LAMA2: variants seen among roughly 807,000 people sequenced by gnomAD.
The protein encoded by LAMA2 is laminin subunit alpha-2.
A neutral mutation model predicts 364.8 loss-of-function variants in LAMA2; 269 were observed. That is an observed-to-expected ratio of 0.74 (90% CI 0.67 to 0.82). The LOEUF is 0.82. LAMA2 is among the 40% of genes least tolerant of loss of function. The pLI is 0.00. For synonymous variants in LAMA2, 1,379 were observed against 1,370.6 expected, an observed-to-expected ratio of 1.01 and a Z score of -0.14; for missense variants, 3,807 against 3,873.2, an observed-to-expected ratio of 0.98 and a Z score of 0.45.
chr6:129,417,810 C>T (rs1780877076), intron 40 of LAMA2, among the ~76,000 whole-genome samples: 1 of 152,148 alleles, frequency 6.6e-6, no homozygotes, highest in African/African-American at 2.4e-5. Flanking sequence ...CTGCCCCGAG[C>T]ATATGCACAC....
At chr6:129,027,159 G>A (rs944169364) in intron 1 of LAMA2, among the ~76,000 whole-genome samples, 7 of 152,066 alleles carry the variant, frequency 4.6e-5, no homozygotes, top group Admixed American at 1.3e-4. Flanking sequence ...AAATGAGTTT[G>A]TTTTAATCAT....
intron 1 of LAMA2, among the ~76,000 whole-genome samples, chr6:128,983,682 A>G (rs1311442282): frequency 1.3e-5 from 2 of 152,230 alleles, no homozygotes; most frequent in Non-Finnish European, 2.9e-5. Context: ...GGTCCCTGAC[A>G]TGGGTAACAG....
At chr6:128,910,841 G>A (rs1777873234) in intron 1 of LAMA2, among the ~76,000 whole-genome samples, 1 of 150,836 alleles carries the variant, frequency 6.6e-6, no homozygotes, top group Admixed American at 6.6e-5. Flanking sequence ...CTGTTTATTA[G>A]TTTTCCTTCT....
At chr6:129,192,183 A>C (rs780686285) in intron 11 of LAMA2, among the ~76,000 whole-genome samples, 32 of 152,336 alleles carry the variant, frequency 2.1e-4, no homozygotes, top group Admixed American at 1.1e-3. Flanking sequence ...ATGAAACACC[A>C]CCTTTCAGGT....
chr6:129,481,460 T>A, intron 55 of LAMA2, 21 bp downstream of exon 55: 1 of 1,598,406 alleles, frequency 6.3e-7, no homozygotes, highest in Non-Finnish European at 8.6e-7. Flanking sequence ...ACCTAGCTGA[T>A]AATGCATTTT....
At chr6:129,088,659 C>T (rs1414578512) in intron 3 of LAMA2, among the ~76,000 whole-genome samples, 2 of 150,748 alleles carry the variant, frequency 1.3e-5, no homozygotes, top group South Asian at 2.1e-4. Flanking sequence ...CGGAGGGGCT[C>T]CTCACTTCTC....
chr6:128,916,384 C>T (rs922917665), intron 1 of LAMA2, among the ~76,000 whole-genome samples: 1 of 152,062 alleles, frequency 6.6e-6, no homozygotes, highest in Non-Finnish European at 1.5e-5. Flanking sequence ...TCAGAGAGAA[C>T]ACCAACTGTA....
At chr6:129,049,097 T>C (rs1787812498) in intron 1 of LAMA2, among the ~76,000 whole-genome samples, 1 of 152,184 alleles carries the variant, frequency 6.6e-6, no homozygotes, top group African/African-American at 2.4e-5. Flanking sequence ...TGAGTGACTT[T>C]GCTATACTGT....
chr6:129,194,778 A>G (rs1463248575), intron 12 of LAMA2, among the ~76,000 whole-genome samples: 3 of 152,238 alleles, frequency 2.0e-5, no homozygotes, highest in African/African-American at 7.2e-5. Context: ...TAATACTGCA[A>G]GCTCTCAGAA....
At chr6:128,916,243 A>G (rs1778308782) in intron 1 of LAMA2, among the ~76,000 whole-genome samples, 1 of 152,174 alleles carries the variant, frequency 6.6e-6, no homozygotes, top group Non-Finnish European at 1.5e-5. Flanking sequence ...CAAAAAAACT[A>G]TTTGGCAAAT....
intron 1 of LAMA2, among the ~76,000 whole-genome samples, chr6:128,920,134 A>G (rs755622322): frequency 6.6e-6 from 1 of 151,452 alleles, no homozygotes; most frequent in South Asian, 2.1e-4. Context: ...TGACTAATGC[A>G]TACCAATTTT....
intron 55 of LAMA2, among the ~76,000 whole-genome samples, chr6:129,483,442 G>T (rs1311925153): frequency 6.6e-6 from 1 of 152,036 alleles, no homozygotes; most frequent in Non-Finnish European, 1.5e-5. Context: ...CCCATATGGA[G>T]AAAATTATAA....
At chr6:128,929,161 G>T in intron 1 of LAMA2, 4 of 1,440,238 alleles carry the variant, frequency 2.8e-6, no homozygotes, top group Non-Finnish European at 3.9e-6. Context: ...CCAATGGCCG[G>T]TAGATAAAAT....
At chr6:129,426,146 T>C (rs1256445684) in intron 40 of LAMA2, among the ~76,000 whole-genome samples, 1 of 152,166 alleles carries the variant, frequency 6.6e-6, no homozygotes, top group Non-Finnish European at 1.5e-5. Flanking sequence ...CTATACATTT[T>C]ATCCCTTTCC....
chr6:129,108,787 A>G (rs1175203185), intron 4 of LAMA2, among the ~76,000 whole-genome samples: 2 of 152,070 alleles, frequency 1.3e-5, no homozygotes, highest in African/African-American at 4.8e-5. Context: ...CCAAGTTCCT[A>G]AGACATGTTA....
intron 4 of LAMA2, among the ~76,000 whole-genome samples, chr6:129,101,841 C>G (rs1043008357): frequency 6.6e-6 from 1 of 152,142 alleles, no homozygotes; most frequent in Non-Finnish European, 1.5e-5. Flanking sequence ...CAGTCATTAC[C>G]TCTCTAAATA....
At chr6:129,478,597 T>A in intron 53 of LAMA2, 96 bp from the exon 54 acceptor site, 1 of 1,277,774 alleles carries the variant, frequency 7.8e-7, no homozygotes, top group Non-Finnish European at 1.1e-6. Flanking sequence ...TGTGCCTGCA[T>A]GTGTCTGCTC....
chr6:129,395,068 G>T (rs182154439), intron 37 of LAMA2, among the ~76,000 whole-genome samples: 6 of 151,994 alleles, frequency 3.9e-5, no homozygotes, highest in Non-Finnish European at 7.4e-5. Context: ...AATCACATGG[G>T]GTGTTTGTTA....
chr6:129,158,332 A>G, intron 8 of LAMA2: 3 of 1,614,000 alleles, frequency 1.9e-6, no homozygotes, highest in Non-Finnish European at 2.5e-6. Context: ...TCAGTGGTAA[A>G]GAATACTTTC....
Sources: gnomAD v4.1 joint callset for allele counts (sites outside exome capture counted in the v4.1 genomes callset) on GRCh38, gnomAD v4.1.1 for gene constraint, MANE v1.5 for transcripts, NCBI Gene and HGNC (gene_info 2026-07-23, HGNC 2026-07-21) for gene names.